Variants in PELI2 observed in about 807,000 individuals in gnomAD.
PELI2 encodes E3 ubiquitin-protein ligase pellino homolog 2.
A neutral mutation model predicts 42.3 loss-of-function variants in PELI2; 23 were observed. That is an observed-to-expected ratio of 0.54 (90% CI 0.39 to 0.77). The LOEUF (loss-of-function observed/expected upper bound fraction) is 0.77. Ranked by LOEUF, PELI2 falls within the 30% of genes least tolerant of loss-of-function variation. The probability of loss-of-function intolerance (pLI) is 0.00; values close to 1 mark genes in which losing one functional copy is unlikely to be tolerated. For missense variants in PELI2, 463 were observed against 553.2 expected (o/e 0.84, Z 1.64); for synonymous variants, 245 against 212.2 (o/e 1.15, Z -1.34).
At chr14:56,201,361 A>G (rs943330031) in intron 2 of PELI2, among the ~76,000 whole-genome samples, 2 of 152,224 alleles carry the variant, frequency 1.3e-5, no homozygotes, top group African/African-American at 2.4e-5. Flanking sequence ...CTCCTTCCAC[A>G]TGATGTGAAA....
At chr14:56,264,596 T>C (rs1288488968) in intron 2 of PELI2, among the ~76,000 whole-genome samples, 1 of 152,162 alleles carries the variant, frequency 6.6e-6, no homozygotes, top group Non-Finnish European at 1.5e-5. Flanking sequence ...AAAAGCATAG[T>C]GGACACCATT....
intron 2 of PELI2, among the ~76,000 whole-genome samples, chr14:56,269,100 A>C (rs559268829): frequency 1.5e-3 from 224 of 152,278 alleles, no homozygotes; most frequent in African/African-American, 5.2e-3. Context: ...GGAAAGCTAC[A>C]CTTTGCCCCT....
At chr14:56,140,501 C>T (rs1247403219) in intron 1 of PELI2, among the ~76,000 whole-genome samples, 1 of 152,122 alleles carries the variant, frequency 6.6e-6, no homozygotes, top group African/African-American at 2.4e-5. Context: ...TTTAAGCAAA[C>T]CTTTGAAAAC....
At chr14:56,119,650 A>T (rs1334077133) in intron 1 of PELI2, 2 of 389,864 alleles carry the variant, frequency 5.1e-6, no homozygotes, top group Non-Finnish European at 7.0e-6. Flanking sequence ...TTAATAAGCC[A>T]GGAGAGAGGC....
chr14:56,168,542 C>T (rs933264664), intron 1 of PELI2, among the ~76,000 whole-genome samples: 1 of 152,134 alleles, frequency 6.6e-6, no homozygotes, highest in Non-Finnish European at 1.5e-5. Flanking sequence ...GTGAATGCTG[C>T]CTGGCCTGGG....
intron 1 of PELI2, among the ~76,000 whole-genome samples, chr14:56,163,236 T>A (rs1177156136): frequency 6.6e-6 from 1 of 152,136 alleles, no homozygotes; most frequent in Non-Finnish European, 1.5e-5. Context: ...TTTAATGCAT[T>A]TTGATTTGAT....
intron 5 of PELI2, among the ~76,000 whole-genome samples, chr14:56,293,095 C>T (rs970852770): frequency 6.6e-6 from 1 of 152,072 alleles, no homozygotes; most frequent in East Asian, 1.9e-4. Flanking sequence ...TAAAATAACC[C>T]GTGAAGTCAG....
At chr14:56,278,722 A>G (rs1329001441) in intron 2 of PELI2, among the ~76,000 whole-genome samples, 1 of 152,194 alleles carries the variant, frequency 6.6e-6, no homozygotes. Flanking sequence ...ATTTTCATTA[A>G]CATGCTGTGT....
At chr14:56,139,144 T>G (rs569505962) in intron 1 of PELI2, among the ~76,000 whole-genome samples, 1 of 152,296 alleles carries the variant, frequency 6.6e-6, no homozygotes, top group African/African-American at 2.4e-5. Flanking sequence ...GATAGGGCAT[T>G]ACATACCCAA....
intron 2 of PELI2, among the ~76,000 whole-genome samples, chr14:56,230,495 A>C (rs1887519209): frequency 1.3e-5 from 2 of 152,198 alleles, no homozygotes; most frequent in South Asian, 4.1e-4. Context: ...ATATCCAGCC[A>C]AACTAAGCTT....
chr14:56,181,021 C>G (rs1057323613), intron 2 of PELI2, among the ~76,000 whole-genome samples: 1 of 152,198 alleles, frequency 6.6e-6, no homozygotes, highest in Non-Finnish European at 1.5e-5. Context: ...CTCTTTCTCC[C>G]TGACTCCGTA....
At chr14:56,255,451 A>G (rs1339630941) in intron 2 of PELI2, among the ~76,000 whole-genome samples, 1 of 152,026 alleles carries the variant, frequency 6.6e-6, no homozygotes, top group Non-Finnish European at 1.5e-5. Flanking sequence ...ATGCATGGAC[A>G]CAGGGAGGGA....
rs566273737 is a variant in PELI2 at position 56,232,875 on chromosome 14, A to C, written c.208-46801A>C. The stretch of plus-strand genomic sequence containing the variant: ...TTAGAAAACCCTATCATCTCAGCCC[A>C]AAATCTCCTTAAGCTGAAAGCAACT... On this transcript the variant is annotated intron_variant, in intron 2 of 5. Coordinates refer to ENST00000267460, the MANE Select transcript of PELI2 (RefSeq NM_021255.3). Among the ~76,000 whole-genome samples, 4 of 152,204 alleles carry C rather than the reference A, an allele frequency of 2.6e-5. No individual in the cohort carries two copies. The East Asian group carries it at 7.7e-4, about 29-fold the overall frequency.
chr14:56,293,598 G>A (rs532017491), intron 5 of PELI2, among the ~76,000 whole-genome samples: 2 of 152,318 alleles, frequency 1.3e-5, no homozygotes, highest in East Asian at 3.9e-4. Flanking sequence ...AGCAGGGGTT[G>A]CAAACTGGGG....
intron 2 of PELI2, among the ~76,000 whole-genome samples, chr14:56,243,785 G>T (rs537854006): frequency 6.6e-6 from 1 of 152,168 alleles, no homozygotes; most frequent in Non-Finnish European, 1.5e-5. Context: ...AAATAGTGAA[G>T]GGAAACCCAG....
At chr14:56,289,758 C>T (rs368897803) in intron 4 of PELI2, among the ~76,000 whole-genome samples, 3 of 152,178 alleles carry the variant, frequency 2.0e-5, no homozygotes, top group African/African-American at 7.2e-5. Flanking sequence ...AGAATTTAAA[C>T]GGTGATTATT....
intron 1 of PELI2, among the ~76,000 whole-genome samples, chr14:56,162,968 G>T (rs10145100): frequency 7.7e-4 from 117 of 151,756 alleles, no homozygotes; most frequent in African/African-American, 2.7e-3. Context: ...TTTTGTTTGA[G>T]CTCCTTATAT....
intron 1 of PELI2, among the ~76,000 whole-genome samples, chr14:56,157,001 A>C (rs1023564880): frequency 2.0e-5 from 3 of 152,274 alleles, no homozygotes; most frequent in African/African-American, 7.2e-5. Context: ...CAGATTATGT[A>C]CATGGCTGTT....
At chr14:56,170,366 C>T (rs1448658550) in intron 1 of PELI2, among the ~76,000 whole-genome samples, 1 of 152,226 alleles carries the variant, frequency 6.6e-6, no homozygotes, top group South Asian at 2.1e-4. Flanking sequence ...CATCCCCCTT[C>T]TTGCTCTGGT....
Sources: allele counts gnomAD v4.1 joint callset (sites outside exome capture counted in the v4.1 genomes callset), GRCh38; gene constraint gnomAD v4.1.1; transcripts MANE v1.5; gene names NCBI Gene and HGNC (gene_info 2026-07-23, HGNC 2026-07-21).